ANKS1B: variants seen among roughly 807,000 people sequenced by gnomAD.
ANKS1B encodes the protein ankyrin repeat and sterile alpha motif domain-containing protein 1B.
Under a neutral mutation model 148.3 loss-of-function variants are expected in ANKS1B, and 36 were observed. The ratio of observed to expected loss-of-function variants is 0.24; its 90% CI spans 0.19 to 0.32. The LOEUF (loss-of-function observed/expected upper bound fraction) is 0.32, where lower values mean the gene tolerates loss of function less well. Among genes scored for constraint, ANKS1B ranks in the 10% least tolerant of loss-of-function variants. ANKS1B has a pLI of 1.00. For synonymous variants in ANKS1B, 542 were observed against 560.8 expected (o/e 0.97, Z 0.47); for missense variants, 1,157 against 1,542.6 (o/e 0.75, Z 4.19).
intron 12 of ANKS1B, among the ~76,000 whole-genome samples, chr12:99,365,217 C>G (rs959962280): frequency 6.6e-6 from 1 of 152,166 alleles, no homozygotes; most frequent in Non-Finnish European, 1.5e-5. Context: ...CATGGGCAGA[C>G]ACACACCAGT....
intron 16 of ANKS1B, among the ~76,000 whole-genome samples, chr12:99,066,807 C>T (rs1306791351): frequency 4.6e-5 from 7 of 152,154 alleles, no homozygotes; most frequent in African/African-American, 1.7e-4. Flanking sequence ...ATAAAATCAT[C>T]CTTGTTCTCT....
At chr12:99,627,285 A>C (rs1293154252) in intron 9 of ANKS1B, among the ~76,000 whole-genome samples, 1 of 152,224 alleles carries the variant, frequency 6.6e-6, no homozygotes, top group Non-Finnish European at 1.5e-5. Flanking sequence ...AGTCATTATT[A>C]GAACATTTAC....
chr12:99,599,199 G>T (rs2097780954), intron 9 of ANKS1B, among the ~76,000 whole-genome samples: 1 of 151,886 alleles, frequency 6.6e-6, no homozygotes, highest in Non-Finnish European at 1.5e-5. Context: ...TTCCAAGTAA[G>T]GTAACATTTA....
At chr12:99,192,370 TAGG>T (rs2080851727) in intron 14 of ANKS1B, among the ~76,000 whole-genome samples, 1 of 152,162 alleles carries the variant, frequency 6.6e-6, no homozygotes, top group Non-Finnish European at 1.5e-5. Flanking sequence ...ATGGATTATC[TAGG>T]GAGAATCTAT....
At chr12:99,655,604 C>T (rs2153446232) in intron 8 of ANKS1B, among the ~76,000 whole-genome samples, 1 of 152,188 alleles carries the variant, frequency 6.6e-6, no homozygotes, top group Admixed American at 6.5e-5. Flanking sequence ...ATGGGAACTC[C>T]TGATAAACCA....
chr12:99,733,685 C>A, intron 8 of ANKS1B, among the ~76,000 whole-genome samples: 1 of 152,068 alleles, frequency 6.6e-6, no homozygotes, highest in East Asian at 1.9e-4. Flanking sequence ...AGGGTTTAAA[C>A]CCAGGATGTT....
intron 8 of ANKS1B, among the ~76,000 whole-genome samples, chr12:99,681,255 T>A (rs1197079889): frequency 1.3e-5 from 2 of 152,086 alleles, no homozygotes; most frequent in Admixed American, 6.6e-5. Context: ...CAGCAACTCA[T>A]AAAAGAACAA....
intron 5 of ANKS1B, 97 bp from the exon 6 acceptor site, chr12:99,780,069 A>G: frequency 1.2e-6 from 1 of 861,718 alleles, no homozygotes; most frequent in South Asian, 1.5e-5. Flanking sequence ...ACATATACAG[A>G]CCAAGCATTG....
chr12:99,925,807 T>G (rs957920284), intron 1 of ANKS1B, among the ~76,000 whole-genome samples: 4 of 152,238 alleles, frequency 2.6e-5, no homozygotes, highest in Admixed American at 1.3e-4. Context: ...CATAGAATTG[T>G]CATCCAATAT....
chr12:98,798,370 C>T (rs1316999502), intron 22 of ANKS1B, among the ~76,000 whole-genome samples: 1 of 152,010 alleles, frequency 6.6e-6, no homozygotes, highest in East Asian at 1.9e-4. Context: ...ATCCACCCAC[C>T]TTGACCTCCC....
intron 9 of ANKS1B, among the ~76,000 whole-genome samples, chr12:99,532,294 A>G (rs11109904): frequency 7.9e-6 from 1 of 126,858 alleles, no homozygotes; most frequent in African/African-American, 2.6e-5. Context: ...AGTTTTCCTA[A>G]GTTTTCTTCT....
intron 9 of ANKS1B, among the ~76,000 whole-genome samples, chr12:99,540,625 A>G (rs757678567): frequency 4.6e-5 from 7 of 152,174 alleles, no homozygotes; most frequent in Non-Finnish European, 7.4e-5. Context: ...GAATGAAGAC[A>G]AAAACACAAC....
intron 16 of ANKS1B, among the ~76,000 whole-genome samples, chr12:99,065,682 T>G (rs1285944619): frequency 8.1e-6 from 1 of 123,600 alleles, no homozygotes; most frequent in African/African-American, 2.7e-5. Flanking sequence ...CATCCATCCA[T>G]CCAACCATCC....
At chr12:99,819,196 G>T (rs2082216013) in intron 2 of ANKS1B, among the ~76,000 whole-genome samples, 1 of 151,788 alleles carries the variant, frequency 6.6e-6, no homozygotes. Context: ...GTTCAAGATG[G>T]TCAAAAGATT....
chr12:99,972,332 G>C (rs745721024), intron 1 of ANKS1B, among the ~76,000 whole-genome samples: 1 of 152,204 alleles, frequency 6.6e-6, no homozygotes, highest in Non-Finnish European at 1.5e-5. Context: ...ATGCCTAACA[G>C]TTAGCCAAGC....
At chr12:98,739,595 G>T (rs1350616792), downstream of ANKS1B, among the ~76,000 whole-genome samples, 1 of 151,948 alleles carries the variant, frequency 6.6e-6, no homozygotes, top group Non-Finnish European at 1.5e-5. Context: ...TTAGTGGCAG[G>T]CCTTGGTTAG....
chr12:98,834,018 G>A (rs17028723), intron 17 of ANKS1B, among the ~76,000 whole-genome samples: 1 of 152,044 alleles, frequency 6.6e-6, no homozygotes, highest in African/African-American at 2.4e-5. Context: ...GGCCTAAACT[G>A]ATGTAGATTT....
intron 8 of ANKS1B, among the ~76,000 whole-genome samples, chr12:99,753,019 A>G (rs1461287331): frequency 6.6e-6 from 1 of 152,112 alleles, no homozygotes; most frequent in Non-Finnish European, 1.5e-5. Context: ...TCATTGTTAA[A>G]CTGCATGATT....
intron 14 of ANKS1B, among the ~76,000 whole-genome samples, chr12:99,218,722 G>T (rs1169776702): frequency 6.6e-6 from 1 of 152,146 alleles, no homozygotes. Context: ...CCATTTCATG[G>T]TCTGTAAAGT....
Sources: gnomAD v4.1 joint callset for allele counts (sites outside exome capture counted in the v4.1 genomes callset) on GRCh38, gnomAD v4.1.1 for gene constraint, MANE v1.5 for transcripts, NCBI Gene and HGNC (gene_info 2026-07-23, HGNC 2026-07-21) for gene names.